The following CSMD1 variants were observed in gnomAD, a reference collection of about 807,000 sequenced individuals.
The protein encoded by CSMD1 is CUB and sushi domain-containing protein 1.
In CSMD1, 213 loss-of-function variants were observed where a neutral mutation model predicts 417.5. The observed-to-expected ratio is 0.51, with a 90% CI of 0.46 to 0.57. CSMD1 has a LOEUF of 0.57. CSMD1 is among the 20% of genes least tolerant of loss of function. The pLI, the probability that CSMD1 is intolerant of heterozygous loss-of-function variation, is 0.00. For missense variants in CSMD1, 6,923 were observed against 4,529.7 expected, an observed-to-expected ratio of 1.53 and a Z score of -15.17; for synonymous variants, 2,862 against 1,736.8, an observed-to-expected ratio of 1.65 and a Z score of -16.11.
intron 1 of CSMD1, among the ~76,000 whole-genome samples, chr8:4,645,229 A>C (rs1803445996): frequency 6.6e-6 from 1 of 152,076 alleles, no homozygotes; most frequent in African/African-American, 2.4e-5. Flanking sequence ...ATTCCGGGCA[A>C]GACAAGGCTG....
chr8:3,682,940 G>T (rs185078883), intron 7 of CSMD1, among the ~76,000 whole-genome samples: 1 of 152,016 alleles, frequency 6.6e-6, no homozygotes, highest in Non-Finnish European at 1.5e-5. Flanking sequence ...ACTATCTATC[G>T]CAAGGACCAA....
intron 3 of CSMD1, among the ~76,000 whole-genome samples, chr8:4,165,195 A>G (rs1157892631): frequency 2.0e-5 from 3 of 152,296 alleles, no homozygotes; most frequent in South Asian, 4.1e-4. Context: ...AACTATCAGC[A>G]ACCCAAAGAG....
intron 46 of CSMD1, among the ~76,000 whole-genome samples, chr8:3,104,694 CT>C (rs146590683): frequency 0.18 from 24,362 of 137,466 alleles, 2,159 homozygotes; most frequent in African/African-American, 0.21. Context: ...AGTTATCAGA[CT>C]TTTTTTTTTC....
intron 5 of CSMD1, among the ~76,000 whole-genome samples, chr8:3,850,998 A>G (rs1333208155): frequency 6.6e-6 from 1 of 152,242 alleles, no homozygotes; most frequent in African/African-American, 2.4e-5. Context: ...TTCAGCTTAG[A>G]TAAATATCTA....
chr8:4,070,912 T>A (rs1440709041), intron 3 of CSMD1, among the ~76,000 whole-genome samples: 3 of 152,218 alleles, frequency 2.0e-5, no homozygotes, highest in Non-Finnish European at 4.4e-5. Flanking sequence ...AGCACTTTAA[T>A]GATGTTGTTT....
intron 3 of CSMD1, among the ~76,000 whole-genome samples, chr8:4,284,966 T>G (rs897910534): frequency 6.6e-6 from 1 of 152,180 alleles, no homozygotes; most frequent in African/African-American, 2.4e-5. Context: ...TAACCTCACC[T>G]CACCTCGCCT....
At chr8:4,157,665 G>GT (rs1563200379) in intron 3 of CSMD1, among the ~76,000 whole-genome samples, 2 of 152,192 alleles carry the variant, frequency 1.3e-5, no homozygotes, top group Admixed American at 1.3e-4. Context: ...TGGGCATGGG[G>GT]TGAGGGCATC....
chr8:4,949,498 G>A (rs1016049674), intron 1 of CSMD1, among the ~76,000 whole-genome samples: 1 of 152,110 alleles, frequency 6.6e-6, no homozygotes, highest in Admixed American at 6.5e-5. Flanking sequence ...TCAACCAGGG[G>A]CAATTCTGCC....
Position 3,929,601 on chromosome 8 carries a change from G to A in CSMD1, c.818+68302C>T, listed in dbSNP as rs553873318. Reference sequence around the variant, plus strand: ...TATAAGATAAAAAATAAATGTGGCTGCATTATTTTGTCTTTAAAAGGAAGA... The same window carrying A: ...TATAAGATAAAAAATAAATGTGGCTACATTATTTTGTCTTTAAAAGGAAGA... On this transcript the variant is annotated intron_variant, in intron 5 of 69. Coordinates refer to ENST00000635120, the MANE Select transcript of CSMD1 (RefSeq NM_033225.6). 3.4e-4 allele frequency among the ~76,000 whole-genome samples: 51 copies of A among 150,470 alleles called. 1 individual carries two copies. The South Asian group carries it at 0.01, about 30-fold the overall frequency.
intron 19 of CSMD1, 46 bp downstream of exon 19, chr8:3,369,208 T>A (rs1282650196): frequency 1.1e-6 from 1 of 919,636 alleles, no homozygotes; most frequent in Non-Finnish European, 1.8e-6. Context: ...CGTTTTTCTG[T>A]CTCATTTATT....
chr8:4,006,342 G>A (rs1816111616), intron 4 of CSMD1, among the ~76,000 whole-genome samples: 1 of 152,202 alleles, frequency 6.6e-6, no homozygotes, highest in South Asian at 2.1e-4. Context: ...TCAGCAGTTT[G>A]AGGCCAGCCT....
At chr8:3,971,835 G>C (rs1266090158) in intron 5 of CSMD1, among the ~76,000 whole-genome samples, 1 of 152,098 alleles carries the variant, frequency 6.6e-6, no homozygotes, top group Non-Finnish European at 1.5e-5. Flanking sequence ...TGAATTATTT[G>C]AAATATTTAG....
chr8:4,366,872 C>G (rs1563099582), intron 3 of CSMD1, among the ~76,000 whole-genome samples: 2 of 152,020 alleles, frequency 1.3e-5, no homozygotes, highest in Non-Finnish European at 2.9e-5. Context: ...TGTTCATGTC[C>G]TTGCCCATTT....
At chr8:3,622,642 A>G (rs2117203911) in intron 7 of CSMD1, among the ~76,000 whole-genome samples, 1 of 152,362 alleles carries the variant, frequency 6.6e-6, no homozygotes, top group South Asian at 2.1e-4. Context: ...AGATGGTAGA[A>G]GATAACAAAA....
At chr8:4,037,003 G>C (rs897886336) in intron 3 of CSMD1, among the ~76,000 whole-genome samples, 7 of 149,670 alleles carry the variant, frequency 4.7e-5, no homozygotes, top group Non-Finnish European at 7.4e-5. Context: ...GTGTGATCCT[G>C]CCATGGTAGT....
intron 7 of CSMD1, among the ~76,000 whole-genome samples, chr8:3,686,126 A>G (rs771211293): frequency 1.3e-5 from 2 of 152,250 alleles, no homozygotes; most frequent in Non-Finnish European, 2.9e-5. Flanking sequence ...AAAAAGAAAA[A>G]AAAACTGTCT....
chr8:3,253,569 A>G (rs1361785099), intron 26 of CSMD1, among the ~76,000 whole-genome samples: 1 of 152,156 alleles, frequency 6.6e-6, no homozygotes, highest in Non-Finnish European at 1.5e-5. Flanking sequence ...GCTGAGTTCA[A>G]TTCCTGGATA....
At chr8:3,781,628 TA>T (rs1394040927) in intron 5 of CSMD1, among the ~76,000 whole-genome samples, 1 of 152,160 alleles carries the variant, frequency 6.6e-6, no homozygotes, top group African/African-American at 2.4e-5. Context: ...CAAGAAACCC[TA>T]TAGTTGATGA....
chr8:4,578,589 G>A (rs1297781009), intron 2 of CSMD1, among the ~76,000 whole-genome samples: 1 of 151,144 alleles, frequency 6.6e-6, no homozygotes, highest in Non-Finnish European at 1.5e-5. Flanking sequence ...GGCCAAGGTG[G>A]GCGGTTCACG....
Sources: allele counts gnomAD v4.1 joint callset (sites outside exome capture counted in the v4.1 genomes callset), GRCh38; gene constraint gnomAD v4.1.1; transcripts MANE v1.5; gene names NCBI Gene and HGNC (gene_info 2026-07-23, HGNC 2026-07-21).